The following DNAAF5 variants were observed in gnomAD, a reference collection of about 807,000 sequenced individuals.
DNAAF5 encodes dynein axonemal assembly factor 5.
Under a neutral mutation model 75.8 loss-of-function variants are expected in DNAAF5, and 64 were observed. The observed-to-expected ratio is 0.84, with a 90% CI of 0.69 to 1.04. The LOEUF (loss-of-function observed/expected upper bound fraction) is 1.04, where lower values mean the gene tolerates loss of function less well. Among genes scored for constraint, DNAAF5 ranks in the 50% least tolerant of loss-of-function variants. DNAAF5 has a pLI of 0.00. For synonymous variants in DNAAF5, 657 were observed against 557.2 expected, an observed-to-expected ratio of 1.18 and a Z score of -2.52; for missense variants, 1,269 against 1,178.5, an observed-to-expected ratio of 1.08 and a Z score of -1.12.
At chr7:734,464 T>C (rs1295368408) in intron 2 of DNAAF5, among the ~76,000 whole-genome samples, 4 of 152,232 alleles carry the variant, frequency 2.6e-5, no homozygotes, top group Non-Finnish European at 5.9e-5. Flanking sequence ...TCATGACAAA[T>C]GATCTTTCTC....
chr7:754,104 GTC>G lies in DNAAF5; in HGVS notation c.1025-479_1025-478del, dbSNP rs1374231836. ...CATAGGGGGACGGCTTCGCAGGCGTGTCTCTCTGATCATACACGTCAGCACGT... is the reference window on the plus strand; with the variant it reads ...CATAGGGGGACGGCTTCGCAGGCGTGTCTCTGATCATACACGTCAGCACGT... On this transcript the variant is annotated intron_variant, in intron 4 of 12. Coordinates refer to ENST00000297440, the MANE Select transcript of DNAAF5 (RefSeq NM_017802.4). This position sits in a 1 kb window ranked among gnomAD's most constrained non-coding sequence, Gnocchi z 4.8. Among the ~76,000 whole-genome samples, 1 of 152,206 alleles carries G rather than the reference GTC, an allele frequency of 6.6e-6. No homozygotes were observed. The highest frequency in any genetic ancestry group is 1.5e-5 in the Non-Finnish European group (1 of 68,038).
rs1276462888 is a variant in DNAAF5 at position 735,440 on chromosome 7, TGTA to T, written c.781-5376_781-5374del. On this transcript the variant is annotated intron_variant, in intron 2 of 12. Transcript: ENST00000297440. ...CTGCTTACAACGTCGCTGCTCACGG[TGTA>T]GTTGTTCATGGTGTAGCTGCTCCCG... 7.2e-5 allele frequency among the ~76,000 whole-genome samples: 11 copies of T among 151,938 alleles called. No homozygotes were observed. The East Asian group carries it at 2.1e-3, about 30-fold the overall frequency.
In DNAAF5 at chr7:740,983, G is replaced by C. The variant is rs369332685; in HGVS notation, c.905+40G>C. 7.5e-6 allele frequency: 12 copies of C among 1,604,430 alleles called. No homozygotes were observed. The East Asian group carries it at 2.0e-4, about 27-fold the overall frequency. On this transcript the variant is annotated intron_variant, in intron 3 of 12. Transcript: ENST00000297440. The stretch of plus-strand genomic sequence containing the variant: ...GGCCGCGGGCCTTGTCTTCCTAAAC[G>C]GTCATGTGTAGCAGTGGTGGTTTCT...
chr7:752,180 T>C (rs1028250682), intron 4 of DNAAF5, among the ~76,000 whole-genome samples: 13 of 152,218 alleles, frequency 8.5e-5, no homozygotes, highest in Admixed American at 7.2e-4. Flanking sequence ...TTAATAAGGA[T>C]ACTGTAAATG....
chr7:738,715 C>A (rs1049109555), intron 2 of DNAAF5, among the ~76,000 whole-genome samples: 57 of 152,272 alleles, frequency 3.7e-4, no homozygotes, highest in African/African-American at 1.3e-3. Flanking sequence ...TCTTATGATA[C>A]TAAGTAGAGA....
rs537779942 is a variant in DNAAF5, at chr7:733,200, A to G, written c.780+3353A>G. On this transcript the variant is annotated intron_variant, in intron 2 of 12. Transcript: ENST00000297440. ...CGCTGTAGCTCTGTAGTATAAATTG[A>G]AGTCAGGTAATGTGATCCCTCCAGT... Among the ~76,000 whole-genome samples, 24 of 152,286 alleles carry G rather than the reference A, an allele frequency of 1.6e-4. No individual in the cohort carries two copies. The South Asian group carries it at 4.4e-3, about 28-fold the overall frequency.
At chr7:782,231 C>G (rs200204041) in intron 12 of DNAAF5, among the ~76,000 whole-genome samples, 2 of 150,404 alleles carry the variant, frequency 1.3e-5, no homozygotes, top group African/African-American at 4.9e-5. Context: ...TCCCGTCGCG[C>G]GGCGTCAGAA....
intron 4 of DNAAF5, among the ~76,000 whole-genome samples, chr7:749,628 G>C (rs1273107085): frequency 6.6e-6 from 1 of 152,188 alleles, no homozygotes; most frequent in Non-Finnish European, 1.5e-5. Context: ...GGTTAACATT[G>C]TTTGAAGCCA....
chr7:767,573 TAA>T (rs1230308142), intron 8 of DNAAF5, among the ~76,000 whole-genome samples: 13 of 152,194 alleles, frequency 8.5e-5, no homozygotes, highest in Admixed American at 6.6e-4. Context: ...TGGCAACCAT[TAA>T]AAACAATTAT....
At chr7:782,315 T>A in intron 12 of DNAAF5, among the ~76,000 whole-genome samples, 1 of 150,780 alleles carries the variant, frequency 6.6e-6, no homozygotes, top group South Asian at 2.1e-4. Context: ...CGTGGCCGCC[T>A]CCCGTCACGC....
At position 774,178 on chromosome 7, in the gene DNAAF5, G is replaced by C; in HGVS notation, c.2062G>C (p.Glu688Gln). Residue 688 changes from glutamate to glutamine, a missense_variant, in exon 10 of 13, where the codon GAG (glutamate) becomes CAG (glutamine). Physicochemically the swap from Glu to Gln is conservative, Grantham distance 29. Coordinates refer to ENST00000297440, the MANE Select transcript of DNAAF5 (RefSeq NM_017802.4). ...CTGCCTCTGGGCGCTCACCAGCAGC[G>C]AGGTCCTGTCGGCAGAGCAGGTACG... The part of the protein sequence containing the change: ...VSCLWALTSS[E>Q]VLSAEQIRDV... The C allele has an allele frequency of 6.2e-7, 1 of 1,610,076 alleles. No homozygotes were observed. Among genetic ancestry groups the C allele is most frequent in the South Asian group, 1.1e-5 (1 of 91,014 alleles).
chr7:777,838 G>T (rs1778813616), intron 11 of DNAAF5, among the ~76,000 whole-genome samples: 2 of 152,130 alleles, frequency 1.3e-5, no homozygotes, highest in South Asian at 2.1e-4. Flanking sequence ...GGGGTGCAAG[G>T]CCTGGAGTGG....
chr7:765,215 G>A (rs576204395), intron 8 of DNAAF5, among the ~76,000 whole-genome samples: 1 of 152,320 alleles, frequency 6.6e-6, no homozygotes, highest in East Asian at 1.9e-4. Flanking sequence ...CCTTAGGGCC[G>A]TCAGCTCATC....
chr7:783,440 ATGCCTGGCTTTGACTCACAGACCCTC>A (rs879534276), intron 12 of DNAAF5, among the ~76,000 whole-genome samples: 7 of 152,194 alleles, frequency 4.6e-5, no homozygotes, highest in Admixed American at 4.6e-4. Flanking sequence ...GTGCGACCAC[ATGCCTGGCTTTGACTCACAGACCCTC>A]TGAAGGGTCC....
intron 12 of DNAAF5, among the ~76,000 whole-genome samples, chr7:782,212 G>T (rs1303750379): frequency 2.5e-4 from 38 of 150,812 alleles, no homozygotes; most frequent in African/African-American, 9.2e-4. Flanking sequence ...TCTTCCTGGC[G>T]TGGCCGCCTC....
chr7:770,604 C>T lies in DNAAF5; in HGVS notation c.1917C>T (p.Thr639=), dbSNP rs1353128502. The part of the protein sequence containing the change: ...LSTVLLRATD[T]INSQGQFPSY... ...CCGTGCTGCTCAGAGCCACGGACAC[C>T]ATCAACTCCCAGGGGTAGGTCCGGG... Residue 639 remains threonine, a synonymous_variant, in exon 9 of 13, where the codon ACC becomes ACT. Transcript: ENST00000297440. The T allele has an allele frequency of 1.2e-6, 2 of 1,613,612 alleles. No individual in the cohort carries two copies. Among genetic ancestry groups the T allele is most frequent in the Non-Finnish European group, 1.7e-6 (2 of 1,179,944 alleles).
chr7:742,003 C>A (rs1477578034), intron 4 of DNAAF5, among the ~76,000 whole-genome samples: 2 of 152,240 alleles, frequency 1.3e-5, no homozygotes, highest in African/African-American at 4.8e-5. Flanking sequence ...CATTTGCTCC[C>A]TGGCCATGTT....
intron 10 of DNAAF5, among the ~76,000 whole-genome samples, chr7:774,701 G>T (rs1032470118): frequency 6.6e-6 from 1 of 152,204 alleles, no homozygotes; most frequent in Non-Finnish European, 1.5e-5. Context: ...TGGTGCACGC[G>T]GGGTGGTGCG....
chr7:741,303 C>T (rs932264902), intron 3 of DNAAF5, 44 bp from the exon 4 acceptor site: 5 of 1,457,220 alleles, frequency 3.4e-6, no homozygotes, highest in Non-Finnish European at 4.7e-6. Flanking sequence ...GCCTCCCCTG[C>T]GTGCCCTGCC....
Sources: gnomAD v4.1 joint callset for allele counts (sites outside exome capture counted in the v4.1 genomes callset) on GRCh38, gnomAD v4.1.1 for gene constraint, Gnocchi (gnomAD v3.1) non-coding constraint, MANE v1.5 for transcripts, NCBI Gene and HGNC (gene_info 2026-07-23, HGNC 2026-07-21) for gene names.